Variants in RAB9B observed in about 807,000 individuals in gnomAD.
RAB9B encodes the protein ras-related protein Rab-9B.
Under a neutral mutation model 8.9 loss-of-function variants are expected in RAB9B, and 1 was observed. That is an observed-to-expected ratio of 0.11 (90% CI 0.04 to 0.53). The LOEUF (loss-of-function observed/expected upper bound fraction) is 0.53, where lower values mean the gene tolerates loss of function less well. RAB9B is among the 20% of genes least tolerant of loss of function. The pLI, the probability that RAB9B is intolerant of heterozygous loss-of-function variation, is 0.93. For synonymous variants in RAB9B, 63 were observed against 57.0 expected, an observed-to-expected ratio of 1.10 and a Z score of -0.47; for missense variants, 82 against 152.9, an observed-to-expected ratio of 0.54 and a Z score of 2.45.
the RAB9B span, chrX:103,776,827 C>A: frequency 3.9e-6 from 2 of 515,120 alleles, no homozygotes; most frequent in South Asian, 3.2e-5. Flanking sequence ...GGTTGGCTGT[C>A]AATCAGAAAG....
chrX:103,791,475 G>A, the RAB9B span: 1 of 112,470 alleles, frequency 8.9e-6, no homozygotes, highest in Non-Finnish European at 1.9e-5. Flanking sequence ...GGCTAATGGT[G>A]TAACCTGAGA....
chrX:103,806,357 A>G, the RAB9B span, among the ~76,000 whole-genome samples: 3 of 110,996 alleles, frequency 2.7e-5, no homozygotes, highest in African/African-American at 9.8e-5. Flanking sequence ...CCTTTTATCT[A>G]TTGGTTATTT....
chrX:103,810,725 C>T, the RAB9B span, among the ~76,000 whole-genome samples: 1 of 111,883 alleles, frequency 8.9e-6, no homozygotes, highest in Non-Finnish European at 1.9e-5. Context: ...CTTCCTACCC[C>T]TTTGCTTAGA....
chrX:103,780,008 C>T, the RAB9B span: 10 of 112,836 alleles, frequency 8.9e-5, 1 homozygote, highest in East Asian at 2.8e-3. Context: ...AATGGAGCAG[C>T]TTTTCCTTCC....
At chrX:103,790,061 C>T in the RAB9B span, among the ~76,000 whole-genome samples, 1 of 111,963 alleles carries the variant, frequency 8.9e-6, no homozygotes, top group Non-Finnish European at 1.9e-5. Context: ...GAACTCCTGG[C>T]CCCTACTGCT....
chrX:103,812,947 A>AT, the RAB9B span, among the ~76,000 whole-genome samples: 442 of 98,707 alleles, frequency 4.5e-3, 1 homozygote, highest in Middle Eastern at 0.04. Flanking sequence ...TAATTTTTAA[A>AT]TTTTTTTTTT....
At chrX:103,780,999 G>A in the RAB9B span, 1 of 149,051 alleles carries the variant, frequency 6.7e-6, no homozygotes, top group Non-Finnish European at 1.3e-5. Flanking sequence ...CTCACTCAAT[G>A]AGCCTGCCTG....
At chrX:103,802,458 T>C in the RAB9B span, among the ~76,000 whole-genome samples, 1 of 111,658 alleles carries the variant, frequency 9.0e-6, no homozygotes, top group Non-Finnish European at 1.9e-5. Flanking sequence ...GTTGGATACA[T>C]AGAGTTTCTG....
chrX:103,797,792 C>CAG, the RAB9B span, among the ~76,000 whole-genome samples: 1 of 482 alleles, frequency 2.1e-3, no homozygotes, highest in Non-Finnish European at 3.8e-3. Flanking sequence ...CTGCCTATTT[C>CAG]AGGTTCACAT....
the RAB9B span, among the ~76,000 whole-genome samples, chrX:103,779,637 T>G: frequency 8.9e-6 from 1 of 111,863 alleles, no homozygotes; most frequent in Admixed American, 9.5e-5. Context: ...TACCCTGCTT[T>G]AGGGGGCCTT....
the RAB9B span, among the ~76,000 whole-genome samples, chrX:103,801,238 G>A: frequency 3.3e-3 from 360 of 110,499 alleles, 2 homozygotes; most frequent in Non-Finnish European, 5.6e-3. Context: ...TACCCACCTT[G>A]TTTACCATTT....
In RAB9B at chrX:103,823,405, C is replaced by T. The variant is rs972289806; in HGVS notation, c.*1774G>A. ...TATGACTGAGTTGAAATACTGTCCT[C>T]TTCTTTTCTATTTGGCCAATATGTC... On this transcript the variant is annotated 3_prime_UTR_variant, in exon 3 of 3. Coordinates refer to ENST00000243298, the MANE Select transcript of RAB9B (RefSeq NM_016370.4). 4 of 111,508 alleles carry T rather than the reference C, an allele frequency of 3.6e-5. No individual in the cohort carries two copies. Among genetic ancestry groups the T allele is most frequent in the African/African-American group, 1.3e-4 (4 of 30,659 alleles). 9.2% of individuals were successfully genotyped at this position (111,508 alleles called of 1,213,427 possible).
chrX:103,802,827 C>T, the RAB9B span, among the ~76,000 whole-genome samples: 1 of 110,623 alleles, frequency 9.0e-6, no homozygotes, highest in Non-Finnish European at 1.9e-5. Context: ...CCTATTCTTT[C>T]ACCCTCACAC....
the RAB9B span, chrX:103,790,937 G>C: frequency 3.2e-5 from 9 of 280,236 alleles, no homozygotes; most frequent in Admixed American, 2.2e-4. Flanking sequence ...CTTCTCAAAG[G>C]GTACTTCCAC....
the RAB9B span, among the ~76,000 whole-genome samples, chrX:103,809,668 T>G: frequency 1.8e-5 from 2 of 112,081 alleles, no homozygotes; most frequent in African/African-American, 6.5e-5. Flanking sequence ...ACTAAGACAA[T>G]GATGCTGCAA....
chrX:103,787,693 C>T, the RAB9B span: 4 of 684,182 alleles, frequency 5.8e-6, no homozygotes, highest in South Asian at 2.1e-5. Flanking sequence ...AGCCCTGGAA[C>T]CTGGTTTTAA....
chrX:103,797,180 T>C, the RAB9B span, among the ~76,000 whole-genome samples: 2 of 106,379 alleles, frequency 1.9e-5, no homozygotes, highest in East Asian at 3.1e-4. Context: ...CTTGACCTCC[T>C]GGGCTCAAGT....
At chrX:103,819,543 T>C (rs922629806), downstream of RAB9B, among the ~76,000 whole-genome samples, 2 of 111,611 alleles carry the variant, frequency 1.8e-5, no homozygotes, top group Non-Finnish European at 3.8e-5. Context: ...ATGCTTATTT[T>C]CACTGGGAAA....
At chrX:103,805,499 T>C in the RAB9B span, among the ~76,000 whole-genome samples, 1 of 111,576 alleles carries the variant, frequency 9.0e-6, no homozygotes, top group Admixed American at 9.5e-5. Flanking sequence ...AGAGTAATGG[T>C]CTCATAGAAT....
Sources: gnomAD v4.1 joint callset for allele counts (sites outside exome capture counted in the v4.1 genomes callset) on GRCh38, gnomAD v4.1.1 for gene constraint, MANE v1.5 for transcripts, NCBI Gene and HGNC (gene_info 2026-07-23, HGNC 2026-07-21) for gene names.